The following B3GALT5 variants were observed in gnomAD, a reference collection of about 807,000 sequenced individuals.
B3GALT5 encodes the protein beta-1,3-galactosyltransferase 5.
For missense variants in B3GALT5, 328 were observed against 396.6 expected (o/e 0.83, Z 1.47); for synonymous variants, 156 against 158.6 (o/e 0.98, Z 0.12).
intron 1 of B3GALT5, among the ~76,000 whole-genome samples, chr21:39,628,038 A>G (rs1020844195): frequency 6.6e-6 from 1 of 152,232 alleles, no homozygotes; most frequent in Non-Finnish European, 1.5e-5. Flanking sequence ...AAGATCATTT[A>G]TAATTCTAAC....
intron 1 of B3GALT5, among the ~76,000 whole-genome samples, chr21:39,639,290 CTTT>C (rs1291660379): frequency 1.4e-4 from 6 of 44,120 alleles, no homozygotes; most frequent in Non-Finnish European, 2.3e-4. Context: ...GCATCTGGCT[CTTT>C]CTTTCTTTCT....
chr21:39,645,692 G>T (rs569001072), intron 1 of B3GALT5, among the ~76,000 whole-genome samples: 61 of 152,192 alleles, frequency 4.0e-4, no homozygotes, highest in Admixed American at 1.2e-3. Context: ...AGGCAAATTG[G>T]GGGGAGTCAT....
At chr21:39,659,615 G>C (rs911706011) in intron 2 of B3GALT5, 138 bp from the exon 3 acceptor site, 1 of 301,836 alleles carries the variant, frequency 3.3e-6, no homozygotes, top group African/African-American at 2.3e-5. Context: ...AGAAAAGTGA[G>C]GCTGGGATTG....
intron 1 of B3GALT5, among the ~76,000 whole-genome samples, chr21:39,620,836 C>A (rs1289493152): frequency 6.6e-6 from 1 of 152,110 alleles, no homozygotes; most frequent in African/African-American, 2.4e-5. Context: ...TGTGGCATAA[C>A]CTAGCCTATG....
chr21:39,634,784 G>A (rs2079215357), intron 1 of B3GALT5, among the ~76,000 whole-genome samples: 1 of 152,088 alleles, frequency 6.6e-6, no homozygotes, highest in African/African-American at 2.4e-5. Context: ...TCTTGAACCC[G>A]AGGAACAGAA....
chr21:39,622,601 C>T (rs1210347713), intron 1 of B3GALT5, among the ~76,000 whole-genome samples: 2 of 152,032 alleles, frequency 1.3e-5, no homozygotes, highest in African/African-American at 2.4e-5. Flanking sequence ...TCCTGCCTAT[C>T]GTTGTAGCTT....
intron 1 of B3GALT5, among the ~76,000 whole-genome samples, chr21:39,621,924 G>A (rs946981172): frequency 2.0e-5 from 3 of 151,768 alleles, no homozygotes; most frequent in Non-Finnish European, 2.9e-5. Context: ...TTATATCCTC[G>A]TCTTTTTCTT....
rs1465902758 is a variant in B3GALT5 at position 39,670,845 on chromosome 21, C to T, written c.*9353C>T. 1 of 152,130 alleles carries T rather than the reference C, an allele frequency of 6.6e-6. No individual in the cohort carries two copies. The highest frequency in any genetic ancestry group is 1.9e-4 in the East Asian group (1 of 5,204). 9.4% of individuals were successfully genotyped at this position (152,130 alleles called of 1,614,324 possible). ...TATTTAATCTAACAGCTGCCATGCA[C>T]CCTCATTTTAAAAACAGATGAGGCA... On this transcript the variant is annotated 3_prime_UTR_variant, in exon 4 of 4. Transcript: ENST00000684187.
chr21:39,635,691 G>C (rs553630194), intron 1 of B3GALT5, among the ~76,000 whole-genome samples: 1 of 152,090 alleles, frequency 6.6e-6, no homozygotes, highest in Admixed American at 6.6e-5. Flanking sequence ...TGTTGGTCAG[G>C]CTGGTCTCGA....
chr21:39,661,830 A>G lies in B3GALT5; in HGVS notation c.*338A>G, dbSNP rs1428513035. The G allele has an allele frequency of 2.5e-5, 5 of 203,976 alleles. No homozygotes were observed. The highest frequency in any genetic ancestry group is 5.4e-5 in the Non-Finnish European group (5 of 92,796). 12.6% of individuals were successfully genotyped at this position (203,976 alleles called of 1,614,324 possible). On this transcript the variant is annotated 3_prime_UTR_variant, in exon 4 of 4. Coordinates refer to ENST00000684187, the MANE Select transcript of B3GALT5 (RefSeq NM_001356336.2). This position sits in a 1 kb window ranked among gnomAD's most constrained non-coding sequence, Gnocchi z 4.7. ...TGCGAGAGGTACAGAAACTTGTCCC[A>G]AGGCTCACAGCCAGTAGGCATAGGA...
intron 1 of B3GALT5, among the ~76,000 whole-genome samples, chr21:39,629,118 A>T (rs901709335): frequency 6.6e-6 from 1 of 151,992 alleles, no homozygotes; most frequent in Admixed American, 6.6e-5. Context: ...GGTTCAAGCA[A>T]TTCTCCCTGC....
rs929850278 is a variant in B3GALT5, at chr21:39,671,445, A to G, written c.*9953A>G. ...GCCTGCTGGAGAGTAGATACTTGAT[A>G]ATTATCTATTGGGTTCTCAGGGGAT... is the stretch of plus-strand genomic sequence containing the variant. On this transcript the variant is annotated 3_prime_UTR_variant, in exon 4 of 4. Transcript: ENST00000684187. 3.3e-5 allele frequency: 5 copies of G among 151,994 alleles called. No individual in the cohort carries two copies. The highest frequency in any genetic ancestry group is 7.4e-5 in the Non-Finnish European group (5 of 68,006). 9.4% of individuals were successfully genotyped at this position (151,994 alleles called of 1,614,324 possible).
chr21:39,651,786 C>T (rs1009769724), intron 2 of B3GALT5, among the ~76,000 whole-genome samples: 9 of 150,420 alleles, frequency 6.0e-5, no homozygotes, highest in African/African-American at 2.0e-4. Flanking sequence ...TTTTTTTTAT[C>T]AGATCTAGAG....
At position 39,669,533 on chromosome 21, in the gene B3GALT5, A is replaced by C. The variant is rs1217894827; in HGVS notation, c.*8041A>C. 1 of 152,108 alleles carries C rather than the reference A, an allele frequency of 6.6e-6. No homozygotes were observed. Among genetic ancestry groups the C allele is most frequent in the Non-Finnish European group, 1.5e-5 (1 of 68,032 alleles). 9.4% of individuals were successfully genotyped at this position (152,108 alleles called of 1,614,324 possible). A position where few individuals can be genotyped will look rare whatever the true frequency, so the allele number is the denominator to read the frequency against. ...TTCACTGGGTAAATACACAATGCTG[A>C]GAAGATTATCAGGGGCACCTGATCC... On this transcript the variant is annotated 3_prime_UTR_variant, in exon 4 of 4. Transcript: ENST00000684187.
At position 39,661,217 on chromosome 21, in the gene B3GALT5, G is replaced by A. The variant is rs140140179; in HGVS notation, c.658G>A (p.Val220Met). 4 of 1,614,178 alleles carry A rather than the reference G, an allele frequency of 2.5e-6. No individual in the cohort carries two copies. Among genetic ancestry groups the A allele is most frequent in the South Asian group, 1.1e-5 (1 of 91,086 alleles). ...ACCATTCTGCTCCGGCACCGGCTACGTGTTTTCTGGCGACGTGGCGAGTCA... is the reference window on the plus strand; with the variant it reads ...ACCATTCTGCTCCGGCACCGGCTACATGTTTTCTGGCGACGTGGCGAGTCA... ...YPPFCSGTGY[V>M]FSGDVASQVY... The change falls in exon 4 of 4, where the codon GTG becomes ATG. Residue 220 changes from valine to methionine, a missense_variant. Val to Met is a conservative substitution (Grantham distance 21). Coordinates refer to ENST00000684187, the MANE Select transcript of B3GALT5 (RefSeq NM_001356336.2). The surrounding 1 kb of genome is among the most constrained non-coding windows in gnomAD (Gnocchi z 4.7).
intron 1 of B3GALT5, among the ~76,000 whole-genome samples, chr21:39,628,621 G>C (rs143919714): frequency 6.6e-6 from 1 of 152,354 alleles, no homozygotes; most frequent in East Asian, 1.9e-4. Context: ...TGTCAGTGCT[G>C]TGTCAGAGAT....
intron 1 of B3GALT5, among the ~76,000 whole-genome samples, chr21:39,640,460 G>A (rs1017247160): frequency 6.6e-6 from 1 of 152,190 alleles, no homozygotes; most frequent in South Asian, 2.1e-4. Flanking sequence ...CCCCATGGGT[G>A]AGAAGTCCAG....
intron 1 of B3GALT5, among the ~76,000 whole-genome samples, chr21:39,644,357 C>T (rs2079317106): frequency 6.6e-6 from 1 of 152,064 alleles, no homozygotes; most frequent in African/African-American, 2.4e-5. Flanking sequence ...CAAGGAGTTT[C>T]CTTGTGGGCA....
At chr21:39,639,288 C>CTCTTTCTTTTTTCTT (rs2079254724) in intron 1 of B3GALT5, among the ~76,000 whole-genome samples, 1 of 98,428 alleles carries the variant, frequency 1.0e-5, no homozygotes, top group Admixed American at 1.1e-4. Context: ...AGGCATCTGG[C>CTCTTTCTTTTTTCTT]TCTTTCTTTC....
Sources: gnomAD v4.1 joint callset for allele counts (sites outside exome capture counted in the v4.1 genomes callset) on GRCh38, gnomAD v4.1.1 for gene constraint, Gnocchi (gnomAD v3.1) non-coding constraint, MANE v1.5 for transcripts, NCBI Gene and HGNC (gene_info 2026-07-23, HGNC 2026-07-21) for gene names.